The following ZNF804B variants were observed in gnomAD, a reference collection of about 807,000 sequenced individuals.
The protein encoded by ZNF804B is zinc finger protein 804B.
Under a neutral mutation model 101.4 loss-of-function variants are expected in ZNF804B, and 80 were observed. The ratio of observed to expected loss-of-function variants is 0.79; its 90% CI spans 0.66 to 0.95. ZNF804B has a LOEUF of 0.95. ZNF804B is among the 40% of genes least tolerant of loss of function. The probability of loss-of-function intolerance (pLI) is 0.00; values close to 1 mark genes in which losing one functional copy is unlikely to be tolerated. For missense variants in ZNF804B, 1,673 were observed against 1,561.9 expected (o/e 1.07, Z -1.20); for synonymous variants, 622 against 558.8 (o/e 1.11, Z -1.59).
intron 1 of ZNF804B, among the ~76,000 whole-genome samples, chr7:88,917,606 C>G (rs1185623185): frequency 6.6e-6 from 1 of 152,076 alleles, no homozygotes; most frequent in Non-Finnish European, 1.5e-5. Context: ...TTATATGGCC[C>G]TCATAGCAGT....
intron 1 of ZNF804B, among the ~76,000 whole-genome samples, chr7:88,827,823 C>G (rs1791071165): frequency 6.6e-6 from 1 of 152,108 alleles, no homozygotes; most frequent in Non-Finnish European, 1.5e-5. Context: ...CCACTGATTA[C>G]TGCCAAATAG....
At chr7:89,283,056 A>G (rs879519129) in intron 2 of ZNF804B, among the ~76,000 whole-genome samples, 1 of 152,214 alleles carries the variant, frequency 6.6e-6, no homozygotes, top group Non-Finnish European at 1.5e-5. Flanking sequence ...CAGAACATGA[A>G]ATTAAATAAA....
intron 1 of ZNF804B, among the ~76,000 whole-genome samples, chr7:88,865,776 C>T (rs965959772): frequency 6.6e-6 from 1 of 152,090 alleles, no homozygotes; most frequent in South Asian, 2.1e-4. Context: ...GTCATCTGCG[C>T]CTAGAGTGAT....
chr7:88,898,546 A>C (rs1654159855), intron 1 of ZNF804B, among the ~76,000 whole-genome samples: 1 of 151,706 alleles, frequency 6.6e-6, no homozygotes, highest in Non-Finnish European at 1.5e-5. Context: ...TTGGAATCCA[A>C]ATATAGTTAT....
chr7:88,967,049 G>C (rs1793465130), intron 1 of ZNF804B, among the ~76,000 whole-genome samples: 1 of 151,258 alleles, frequency 6.6e-6, no homozygotes, highest in Admixed American at 6.6e-5. Context: ...GGTCACTTTG[G>C]AGTCCCTTTA....
chr7:88,876,329 T>C (rs1442407437), intron 1 of ZNF804B, among the ~76,000 whole-genome samples: 4 of 152,202 alleles, frequency 2.6e-5, no homozygotes, highest in East Asian at 1.9e-4. Flanking sequence ...AATTCTCTAA[T>C]AGGGATATGT....
chr7:88,949,200 G>T (rs1463855596), intron 1 of ZNF804B, among the ~76,000 whole-genome samples: 5 of 151,608 alleles, frequency 3.3e-5, no homozygotes, highest in African/African-American at 1.2e-4. Flanking sequence ...AATTGTTTTG[G>T]TGATTCTAGT....
intron 1 of ZNF804B, among the ~76,000 whole-genome samples, chr7:89,188,664 A>G (rs1788410802): frequency 1.3e-5 from 2 of 152,158 alleles, no homozygotes; most frequent in Non-Finnish European, 2.9e-5. Context: ...ACGAATGATG[A>G]AAAAGCAAAA....
intron 1 of ZNF804B, among the ~76,000 whole-genome samples, chr7:88,842,682 T>C (rs1791306031): frequency 6.6e-6 from 1 of 152,176 alleles, no homozygotes; most frequent in Non-Finnish European, 1.5e-5. Flanking sequence ...AGCATGCAAT[T>C]TTCCTTAGAA....
chr7:88,919,321 T>C (rs1003407367), intron 1 of ZNF804B, among the ~76,000 whole-genome samples: 4 of 152,098 alleles, frequency 2.6e-5, no homozygotes, highest in African/African-American at 7.2e-5. Flanking sequence ...GATTCATTCA[T>C]TGGAATAAAT....
intron 1 of ZNF804B, among the ~76,000 whole-genome samples, chr7:89,105,966 G>T (rs1214015436): frequency 1.3e-5 from 2 of 152,156 alleles, no homozygotes; most frequent in African/African-American, 2.4e-5. Flanking sequence ...ATGAAGAGAT[G>T]CATAGGGTGT....
At chr7:89,219,191 G>C (rs1286379668) in intron 2 of ZNF804B, among the ~76,000 whole-genome samples, 1 of 152,074 alleles carries the variant, frequency 6.6e-6, no homozygotes, top group Non-Finnish European at 1.5e-5. Context: ...TACTTAACTA[G>C]TTAGTGACAG....
intron 1 of ZNF804B, among the ~76,000 whole-genome samples, chr7:88,867,222 G>A (rs1045545924): frequency 5.3e-5 from 8 of 152,244 alleles, no homozygotes; most frequent in Admixed American, 2.0e-4. Context: ...TAGGGAAATT[G>A]GCTTACAGTA....
chr7:89,128,041 C>T (rs887384774), intron 1 of ZNF804B, among the ~76,000 whole-genome samples: 19 of 151,788 alleles, frequency 1.3e-4, no homozygotes, highest in African/African-American at 4.6e-4. Flanking sequence ...TTTTTGTGAA[C>T]ATCATAATTA....
intron 1 of ZNF804B, among the ~76,000 whole-genome samples, chr7:88,930,501 G>A (rs1327998991): frequency 6.6e-6 from 1 of 151,850 alleles, no homozygotes; most frequent in African/African-American, 2.4e-5. Context: ...CTAGGCTTAT[G>A]TTTCCAAAAA....
chr7:89,237,270 T>G (rs1281539209), intron 2 of ZNF804B, among the ~76,000 whole-genome samples: 1 of 152,172 alleles, frequency 6.6e-6, no homozygotes, highest in African/African-American at 2.4e-5. Context: ...GACTCATTAC[T>G]GTGGAAATAG....
At chr7:88,797,111 G>C (rs1228037433) in intron 1 of ZNF804B, among the ~76,000 whole-genome samples, 2 of 151,960 alleles carry the variant, frequency 1.3e-5, no homozygotes, top group Non-Finnish European at 2.9e-5. Flanking sequence ...TACCCCACTT[G>C]TGTCTAAATT....
At chr7:88,906,735 T>C (rs1792475924) in intron 1 of ZNF804B, among the ~76,000 whole-genome samples, 1 of 152,048 alleles carries the variant, frequency 6.6e-6, no homozygotes, top group African/African-American at 2.4e-5. Flanking sequence ...GTTCTATAGG[T>C]GTCTACTAGT....
intron 1 of ZNF804B, among the ~76,000 whole-genome samples, chr7:88,931,628 T>C (rs919455555): frequency 2.0e-5 from 3 of 151,900 alleles, no homozygotes. Context: ...GACTTCAGTT[T>C]TATATTTACT....
Sources: gnomAD v4.1 joint callset for allele counts (sites outside exome capture counted in the v4.1 genomes callset) on GRCh38, gnomAD v4.1.1 for gene constraint, MANE v1.5 for transcripts, NCBI Gene and HGNC (gene_info 2026-07-23, HGNC 2026-07-21) for gene names.